FADS3: variants seen among roughly 807,000 people sequenced by gnomAD.
The protein encoded by FADS3 is fatty acid desaturase 3, also known as cytochrome b5-related protein.
A neutral mutation model predicts 60.4 loss-of-function variants in FADS3; 30 were observed. The ratio of observed to expected loss-of-function variants is 0.50; its 90% CI spans 0.37 to 0.67. FADS3 has a LOEUF of 0.67. Among genes scored for constraint, FADS3 ranks in the 30% least tolerant of loss-of-function variants. FADS3 has a pLI of 0.00. For missense variants in FADS3, 432 were observed against 598.3 expected (o/e 0.72, Z 2.90); for synonymous variants, 234 against 249.3 (o/e 0.94, Z 0.58).
Position 61,877,461 on chromosome 11 carries a change from C to A in FADS3, c.885+50G>T. 4 of 1,578,508 alleles carry A rather than the reference C, an allele frequency of 2.5e-6. No homozygotes were observed. The highest frequency in any genetic ancestry group is 3.5e-6 in the Non-Finnish European group (4 of 1,153,688). ...GCAGGTACTGTCCCCCGAGGCACCA[C>A]CTCCTGCCACGGCAGCCGTATGCCC... On this transcript the variant is annotated intron_variant, in intron 7 of 11. Transcript: ENST00000278829. This position sits in a 1 kb window ranked among gnomAD's most constrained non-coding sequence, Gnocchi z 4.7.
chr11:61,875,996 G>A lies in FADS3; in HGVS notation c.1161-20C>T. On this transcript the variant is annotated intron_variant, in intron 10 of 11. Transcript: ENST00000278829. The stretch of plus-strand genomic sequence containing the variant: ...AAGAGGCTGGGGGTGGGGAGCGTAT[G>A]CTGGCACCTGAAGTGGGAGATTCCA... The A allele has an allele frequency of 6.2e-7, 1 of 1,613,364 alleles. No individual in the cohort carries two copies. The highest frequency in any genetic ancestry group is 8.5e-7 in the Non-Finnish European group (1 of 1,179,970).
chr11:61,879,021 A>G (rs1453349587), intron 3 of FADS3, among the ~76,000 whole-genome samples, 174 bp from the exon 4 acceptor site: 1 of 152,140 alleles, frequency 6.6e-6, no homozygotes, highest in Non-Finnish European at 1.5e-5. Flanking sequence ...AGGGAGGTGG[A>G]GGGGCTCGTA....
chr11:61,885,301 A>G (rs1938275757), intron 1 of FADS3, among the ~76,000 whole-genome samples: 1 of 152,178 alleles, frequency 6.6e-6, no homozygotes, highest in African/African-American at 2.4e-5. Context: ...GGAGCCAGGG[A>G]GCCCCAGACA....
chr11:61,888,275 C>G (rs887114186), intron 1 of FADS3, among the ~76,000 whole-genome samples: 3 of 152,268 alleles, frequency 2.0e-5, no homozygotes, highest in African/African-American at 7.2e-5. Flanking sequence ...AGCTGATGGG[C>G]AGCCGGGGCT....
intron 5 of FADS3, 130 bp downstream of exon 5, chr11:61,878,382 G>T: frequency 7.0e-7 from 1 of 1,419,430 alleles, no homozygotes; most frequent in Non-Finnish European, 9.7e-7. Flanking sequence ...AGACACGGGG[G>T]CAGAGCTTGG....
chr11:61,878,797 C>G lies in FADS3; in HGVS notation c.573G>C (p.Lys191Asn). 6.2e-7 allele frequency: 1 copy of G among 1,614,214 alleles called. No individual in the cohort carries two copies. Reference sequence around the variant, plus strand: ...GGGCCACGTGGTTCCACCAGGACTTCTTGAAGATGGAGGCATGGCCCAGGT... The same window carrying G: ...GGGCCACGTGGTTCCACCAGGACTTGTTGAAGATGGAGGCATGGCCCAGGT... ...QHDLGHASIF[K>N]KSWWNHVAQK... Residue 191 changes from lysine to asparagine, a missense_variant, in exon 4 of 12, where the codon AAG becomes AAC. Coordinates refer to ENST00000278829, the MANE Select transcript of FADS3 (RefSeq NM_021727.5).
Position 61,876,380 on chromosome 11 carries a change from G to A in FADS3, c.1059C>T (p.His353=), listed in dbSNP as rs73489341. 1,541 of 1,613,268 alleles carry A rather than the reference G, an allele frequency of 9.6e-4. 15 individuals carry two copies. The African/African-American group carries it at 0.017, about 18-fold the overall frequency. The change falls in exon 9 of 12, where the codon CAC becomes CAT. Residue 353 remains histidine, a synonymous_variant. Coordinates refer to ENST00000278829, the MANE Select transcript of FADS3 (RefSeq NM_021727.5). This position sits in a 1 kb window ranked among gnomAD's most constrained non-coding sequence, Gnocchi z 5.7. ...HIPKEIGHEK[H]RDWVSSQLAA... is the part of the protein sequence containing the mutation. ...CCACCTGAGAGCTGACCCAGTCCCG[G>A]TGCTTCTCGTGGCCGATCTCCTTGG... is the stretch of plus-strand genomic sequence containing the variant.
intron 11 of FADS3, 104 bp from the exon 12 acceptor site, chr11:61,873,969 CCT>C (rs1937776057): frequency 2.8e-6 from 2 of 714,396 alleles, no homozygotes; most frequent in African/African-American, 1.8e-5. Flanking sequence ...ATCCCCATTC[CCT>C]GTGGGTTCCC....
upstream of FADS3, chr11:61,892,030 T>TGGGCCCCAATCTCTGCG (rs1938541275): frequency 6.6e-6 from 1 of 152,122 alleles, no homozygotes. Flanking sequence ...CTTCAAACCA[T>TGGGCCCCAATCTCTGCG]GGGCCCCAAT....
rs1359194755 is a variant in FADS3, at chr11:61,880,265, G to A, written c.214-114C>T. 7.6e-5 allele frequency: 59 copies of A among 774,912 alleles called. 1 individual carries two copies. Among genetic ancestry groups the A allele is most frequent in the South Asian group, 3.2e-4 (19 of 59,096 alleles). 48.0% of individuals were successfully genotyped at this position (774,912 alleles called of 1,614,324 possible). A position where few individuals can be genotyped will look rare whatever the true frequency, so the allele number is the denominator to read the frequency against. ...TGGATGGGCAGAGCAGACGACAGGC[G>A]GACAGGAAGTCAGCCGGCTGATGAA... On this transcript the variant is annotated intron_variant, in intron 1 of 11. Transcript: ENST00000278829.
chr11:61,886,197 C>T (rs192835684), intron 1 of FADS3: 2 of 152,512 alleles, frequency 1.3e-5, no homozygotes, highest in East Asian at 3.9e-4. Context: ...GTCCCTGACC[C>T]CACAGTAGCC....
At chr11:61,874,521 C>T (rs1937796745) in intron 11 of FADS3, among the ~76,000 whole-genome samples, 1 of 152,368 alleles carries the variant, frequency 6.6e-6, no homozygotes, top group East Asian at 1.9e-4. Flanking sequence ...TGGATGGCTG[C>T]AGTGTCCTCT....
chr11:61,878,792 G>A lies in FADS3; in HGVS notation c.578C>T (p.Ser193Phe). ...CTTCTGGGCCACGTGGTTCCACCAG[G>A]ACTTCTTGAAGATGGAGGCATGGCC... is the stretch of plus-strand genomic sequence containing the variant. ...DLGHASIFKK[S>F]WWNHVAQKFV... The change falls in exon 4 of 12, where the codon TCC becomes TTC. Residue 193 changes from serine to phenylalanine, a missense_variant. Ser to Phe is a radical substitution (Grantham distance 155). Around this residue, in one of 5 missense-constraint regions of FADS3, gnomAD observed 116 missense variants for 208.9 expected, o/e 0.56. Coordinates refer to ENST00000278829, the MANE Select transcript of FADS3 (RefSeq NM_021727.5). 1 of 1,614,198 alleles carries A rather than the reference G, an allele frequency of 6.2e-7. No individual in the cohort carries two copies. Among genetic ancestry groups the A allele is most frequent in the Non-Finnish European group, 8.5e-7 (1 of 1,180,038 alleles).
chr11:61,884,206 A>T (rs925548920), intron 1 of FADS3, among the ~76,000 whole-genome samples: 10 of 152,136 alleles, frequency 6.6e-5, no homozygotes, highest in Admixed American at 3.9e-4. Flanking sequence ...CATTTGACCG[A>T]GGTTAGATCA....
chr11:61,878,283 CG>C (rs1565344628), intron 5 of FADS3, 68 bp from the exon 6 acceptor site: 1 of 1,549,152 alleles, frequency 6.5e-7, no homozygotes, highest in South Asian at 1.1e-5. Flanking sequence ...GGCAAGGTCA[CG>C]GGGCTGGCTG....
At chr11:61,873,955 G>A (rs922851809) in intron 11 of FADS3, 90 bp from the exon 12 acceptor site, 27 of 838,008 alleles carry the variant, frequency 3.2e-5, no homozygotes, top group Admixed American at 9.3e-5. Context: ...AAGTGTGAGC[G>A]GAGATCCCCA....
rs777672149 is a variant in FADS3 at position 61,875,955 on chromosome 11, T to C, written c.1182A>G (p.Arg394=). Residue 394 remains arginine, a synonymous_variant, in exon 11 of 12, where the codon AGA becomes AGG. Transcript: ENST00000278829. ...IEHHLFPRMP[R]HNYSRVAPLV... ...GCGGGGCCACCCGGCTGTAGTTGTG[T>C]CTCGGCATCCTGGGGAAGAGGCTGG... 6.2e-7 allele frequency: 1 copy of C among 1,613,636 alleles called. No homozygotes were observed. Among genetic ancestry groups the C allele is most frequent in the African/African-American group, 1.3e-5 (1 of 74,924 alleles).
chr11:61,873,848 C>A lies in FADS3; in HGVS notation c.1304G>T (p.Gly435Val), dbSNP rs760814318. ...VDIVRSLKKS[G>V]DIWLDAYLHQ Reference sequence around the variant, plus strand: ...GAGGTAGGCGTCCAGCCAGATGTCACCAGACTTCTTCAGGGACCTGGGAGG... The same window carrying A: ...GAGGTAGGCGTCCAGCCAGATGTCAACAGACTTCTTCAGGGACCTGGGAGG... Residue 435 changes from glycine to valine, a missense_variant, in exon 12 of 12, where the codon GGT becomes GTT. Transcript: ENST00000278829. 6.2e-7 allele frequency: 1 copy of A among 1,610,926 alleles called. No individual in the cohort carries two copies. The highest frequency in any genetic ancestry group is 1.7e-5 in the Admixed American group (1 of 59,740).
At position 61,877,236 on chromosome 11, in the gene FADS3, A is replaced by G. The variant is rs9666364; in HGVS notation, c.886-273T>C. On this transcript the variant is annotated intron_variant, in intron 7 of 11. Coordinates refer to ENST00000278829, the MANE Select transcript of FADS3 (RefSeq NM_021727.5). The surrounding 1 kb of genome is among the most constrained non-coding windows in gnomAD (Gnocchi z 4.7). ...AGGGACACAGATGCCTGGCAGAGTCAGCCCAGCAACTCCTCCTGGGAAGAC... is the reference window on the plus strand; with the variant it reads ...AGGGACACAGATGCCTGGCAGAGTCGGCCCAGCAACTCCTCCTGGGAAGAC... 499,590 of 504,252 alleles carry G rather than the reference A, an allele frequency of 0.99. 247,663 individuals carry two copies. Among genetic ancestry groups the G allele is most frequent in the East Asian group, 1 (27,778 of 27,778 alleles). 31.2% of individuals were successfully genotyped at this position (504,252 alleles called of 1,614,324 possible).
Sources: allele counts gnomAD v4.1 joint callset (sites outside exome capture counted in the v4.1 genomes callset), GRCh38; gene constraint gnomAD v4.1.1; regional missense constraint gnomAD v4.1.1; non-coding constraint Gnocchi (gnomAD v3.1); transcripts MANE v1.5; gene names NCBI Gene and HGNC (gene_info 2026-07-23, HGNC 2026-07-21).